SPINT2: variants seen among roughly 807,000 people sequenced by gnomAD.
SPINT2 encodes kunitz-type protease inhibitor 2.
A neutral mutation model predicts 30.1 loss-of-function variants in SPINT2; 18 were observed. The observed-to-expected ratio is 0.60, with a 90% confidence interval of 0.41 to 0.89. The LOEUF (loss-of-function observed/expected upper bound fraction) is 0.89, where lower values mean the gene tolerates loss of function less well. Ranked by LOEUF, SPINT2 falls within the 40% of genes least tolerant of loss-of-function variation. The probability of loss-of-function intolerance (pLI) is 0.00; values close to 1 mark genes in which losing one functional copy is unlikely to be tolerated. For missense variants in SPINT2, 276 were observed against 334.3 expected (o/e 0.83, Z 1.36); for synonymous variants, 139 against 137.9 (o/e 1.01, Z -0.05).
chr19:38,280,687 C>G (rs1285948118), intron 1 of SPINT2, among the ~76,000 whole-genome samples: 1 of 152,132 alleles, frequency 6.6e-6, no homozygotes, highest in Non-Finnish European at 1.5e-5. Context: ...ACCTGGCACC[C>G]TTACTTACGA....
rs1046795941 is a variant in SPINT2, at chr19:38,273,787, A to G, written c.106+8789A>G. Among the ~76,000 whole-genome samples, 19 of 152,068 alleles carry G rather than the reference A, an allele frequency of 1.2e-4. 1 individual carries two copies. Among genetic ancestry groups the G allele is most frequent in the Admixed American group, 1.2e-3 (18 of 15,264 alleles). On this transcript the variant is annotated intron_variant, in intron 1 of 6. Coordinates refer to ENST00000301244, the MANE Select transcript of SPINT2 (RefSeq NM_021102.4). The stretch of plus-strand genomic sequence containing the variant: ...AGGTTGTACTTTTGGCCTTCCCTGT[A>G]TATCCTCTTCCTCCTTATCCTCTCC...
chr19:38,280,672 C>T (rs1012919489), intron 1 of SPINT2, among the ~76,000 whole-genome samples: 5 of 152,150 alleles, frequency 3.3e-5, no homozygotes, highest in African/African-American at 9.7e-5. Flanking sequence ...GCACATGCCA[C>T]GTGTACCTGG....
intron 1 of SPINT2, among the ~76,000 whole-genome samples, chr19:38,272,551 C>T (rs1568339094): frequency 6.6e-6 from 1 of 152,124 alleles, no homozygotes. Context: ...CAGACAGTTT[C>T]TTAGAAGATT....
intron 1 of SPINT2, among the ~76,000 whole-genome samples, chr19:38,271,490 A>T (rs965393016): frequency 3.7e-5 from 5 of 136,524 alleles, no homozygotes; most frequent in African/African-American, 5.7e-5. Context: ...AGACTCTCTC[A>T]AAAAAAAAAA....
chr19:38,288,872 T>C, intron 3 of SPINT2: 1 of 493,556 alleles, frequency 2.0e-6, no homozygotes, highest in South Asian at 2.2e-5. Flanking sequence ...CAAGACCGTG[T>C]TCCCTATAAT....
chr19:38,287,759 T>TC, intron 2 of SPINT2, 117 bp from the exon 3 acceptor site: 1 of 1,086,780 alleles, frequency 9.2e-7, no homozygotes, highest in East Asian at 2.4e-5. Context: ...ACATTGAAGG[T>TC]CCCATGTAAA....
At chr19:38,291,603 C>T (rs368576414) in intron 6 of SPINT2, 81 of 546,214 alleles carry the variant, frequency 1.5e-4, no homozygotes, top group South Asian at 1.1e-3. Context: ...GCTGGCGACA[C>T]GGCCACTCTG....
At chr19:38,273,629 C>G (rs1176527229) in intron 1 of SPINT2, among the ~76,000 whole-genome samples, 1 of 152,184 alleles carries the variant, frequency 6.6e-6, no homozygotes, top group Non-Finnish European at 1.5e-5. Flanking sequence ...TTTTTTCCAC[C>G]AGTCCCTCCC....
chr19:38,278,378 G>C (rs766947637), intron 1 of SPINT2, among the ~76,000 whole-genome samples: 23 of 152,168 alleles, frequency 1.5e-4, no homozygotes, highest in Non-Finnish European at 2.8e-4. Context: ...AACTCATCCT[G>C]GCACTGCTGG....
chr19:38,283,646 G>C lies in SPINT2; in HGVS notation c.126G>C (p.Lys42Asn). The change falls in exon 2 of 7, where the codon AAG becomes AAC. Residue 42 changes from lysine to asparagine, a missense_variant. Physicochemically the swap from Lys to Asn is moderately conservative, Grantham distance 94 (BLOSUM62 0). Transcript: ENST00000301244. ...RSIHDFCLVS[K>N]VVGRCRASMP... is the part of the protein sequence containing the mutation. ...TTTCAGACTTCTGCCTGGTGTCGAA[G>C]GTGGTGGGCAGATGCCGGGCCTCCA... 1 of 1,614,110 alleles carries C rather than the reference G, an allele frequency of 6.2e-7. No individual in the cohort carries two copies. The highest frequency in any genetic ancestry group is 8.5e-7 in the Non-Finnish European group (1 of 1,180,024).
intron 3 of SPINT2, 154 bp downstream of exon 3, chr19:38,288,089 C>G (rs1968664562): frequency 5.1e-6 from 4 of 788,940 alleles, no homozygotes; most frequent in East Asian, 2.6e-5. Context: ...CTGCCGGCTT[C>G]TGGCTCCAGC....
intron 1 of SPINT2, among the ~76,000 whole-genome samples, chr19:38,274,225 C>CAAA (rs34817794): frequency 7.3e-6 from 1 of 136,432 alleles, no homozygotes. Flanking sequence ...GTCCCTGTCT[C>CAAA]AAAAAAAAAA....
At chr19:38,267,657 C>T (rs1380943357) in intron 1 of SPINT2, among the ~76,000 whole-genome samples, 3 of 129,478 alleles carry the variant, frequency 2.3e-5, no homozygotes, top group Non-Finnish European at 3.3e-5. Flanking sequence ...AGCGGGGGGG[C>T]GAGGGTGGGA....
rs1028189687 is a variant in SPINT2, at chr19:38,264,583, C to T, written c.-310C>T. 15 of 314,100 alleles carry T rather than the reference C, an allele frequency of 4.8e-5. No individual in the cohort carries two copies. Among genetic ancestry groups the T allele is most frequent in the Non-Finnish European group, 9.0e-5 (15 of 166,092 alleles). The allele number at this position is 314,100 out of a possible 1,614,324, so 19.5% of individuals were successfully genotyped here. Reference sequence around the variant, plus strand: ...TTCCAATAGGCGTTCGCCATTGGCTCTGGCGACCTCCGCGCGTTGGGAGGT... The same window carrying T: ...TTCCAATAGGCGTTCGCCATTGGCTTTGGCGACCTCCGCGCGTTGGGAGGT... On this transcript the variant is annotated 5_prime_UTR_variant, in exon 1 of 7. Coordinates refer to ENST00000301244, the MANE Select transcript of SPINT2 (RefSeq NM_021102.4).
In SPINT2 at chr19:38,283,506, CAG is replaced by C. The variant is rs942583652; in HGVS notation, c.107-120_107-119del. ...CGATCTGGGCTTGGGAAACAGCTCA[CAG>C]GGGAACTGCTGGAACTCAAGGCTCT... is the stretch of plus-strand genomic sequence containing the variant. On this transcript the variant is annotated intron_variant, in intron 1 of 6. Transcript: ENST00000301244. The C allele has an allele frequency of 3.9e-6, 5 of 1,277,016 alleles. No homozygotes were observed. In the African/African-American group the frequency reaches 4.4e-5, roughly 11 times the overall value. The allele number at this position is 1,277,016 out of a possible 1,614,324, so 79.1% of individuals were successfully genotyped here. A position where few individuals can be genotyped will look rare whatever the true frequency, so the allele number is the denominator to read the frequency against.
chr19:38,285,681 C>CT (rs1162388723), intron 2 of SPINT2, among the ~76,000 whole-genome samples: 3 of 152,180 alleles, frequency 2.0e-5, no homozygotes, highest in South Asian at 2.1e-4. Context: ...TTACACTGGC[C>CT]TTTAAGTAAA....
chr19:38,274,244 G>T (rs540721314), intron 1 of SPINT2, among the ~76,000 whole-genome samples: 1 of 151,570 alleles, frequency 6.6e-6, no homozygotes, highest in East Asian at 1.9e-4. Flanking sequence ...AAAGAAAGCT[G>T]TGTGCTAAAT....
At chr19:38,278,812 A>C (rs1968547859) in intron 1 of SPINT2, among the ~76,000 whole-genome samples, 1 of 152,122 alleles carries the variant, frequency 6.6e-6, no homozygotes, top group African/African-American at 2.4e-5. Context: ...AAAATAAATA[A>C]ATACAAGGTT....
Position 38,283,693 on chromosome 19 carries a change from T to A in SPINT2, c.173T>A (p.Val58Asp). 6.2e-7 allele frequency: 1 copy of A among 1,614,140 alleles called. No homozygotes were observed. Among genetic ancestry groups the A allele is most frequent in the Admixed American group, 1.7e-5 (1 of 60,004 alleles). ...TCCATGCCTAGGTGGTGGTACAATG[T>A]CACTGACGGATCCTGCCAGCTGTTT... Reference protein sequence around the residue: ...RASMPRWWYNVTDGSCQLFVY... With the variant: ...RASMPRWWYNDTDGSCQLFVY... Residue 58 changes from valine to aspartate, a missense_variant, in exon 2 of 7, where the codon GTC becomes GAC. Physicochemically the swap from Val to Asp is radical, Grantham distance 152 (BLOSUM62 -3). Coordinates refer to ENST00000301244, the MANE Select transcript of SPINT2 (RefSeq NM_021102.4).
Sources: gnomAD v4.1 joint callset for allele counts (sites outside exome capture counted in the v4.1 genomes callset) on GRCh38, gnomAD v4.1.1 for gene constraint, MANE v1.5 for transcripts, NCBI Gene and HGNC (gene_info 2026-07-23, HGNC 2026-07-21) for gene names.